The following GULP1 variants were observed in gnomAD, a reference collection of about 807,000 sequenced individuals.
GULP1 encodes the protein PTB domain-containing engulfment adapter protein 1.
A neutral mutation model predicts 40.9 loss-of-function variants in GULP1; 19 were observed. The ratio of observed to expected loss-of-function variants is 0.46; its 90% CI spans 0.32 to 0.68. The LOEUF (loss-of-function observed/expected upper bound fraction) is 0.68. Ranked by LOEUF, GULP1 falls within the 30% of genes least tolerant of loss-of-function variation. The pLI, the probability that GULP1 is intolerant of heterozygous loss-of-function variation, is 0.03. For missense variants in GULP1, 312 were observed against 362.2 expected (o/e 0.86, Z 1.12); for synonymous variants, 119 against 117.6 (o/e 1.01, Z -0.08).
intron 2 of GULP1, among the ~76,000 whole-genome samples, chr2:188,399,906 A>G (rs2051954147): frequency 6.6e-6 from 1 of 152,146 alleles, no homozygotes; most frequent in African/African-American, 2.4e-5. Context: ...CTTGACAATG[A>G]GCATAACATT....
At chr2:188,580,078 T>G (rs902381626) in intron 9 of GULP1, among the ~76,000 whole-genome samples, 1 of 151,614 alleles carries the variant, frequency 6.6e-6, no homozygotes, top group African/African-American at 2.4e-5. Context: ...TACACTAATG[T>G]GTTACATAGA....
At chr2:188,346,570 A>G (rs1381705848) in intron 1 of GULP1, among the ~76,000 whole-genome samples, 1 of 150,780 alleles carries the variant, frequency 6.6e-6, no homozygotes, top group Non-Finnish European at 1.5e-5. Context: ...TCGGGTCACT[A>G]CAAGCTCCGC....
chr2:188,483,532 T>C, intron 4 of GULP1, 40 bp downstream of exon 4: 3 of 835,352 alleles, frequency 3.6e-6, no homozygotes, highest in Non-Finnish European at 5.7e-6. Context: ...TATTTTGTTA[T>C]AGTATCATTA....
intron 2 of GULP1, among the ~76,000 whole-genome samples, chr2:188,412,521 C>T (rs1259978310): frequency 6.6e-6 from 1 of 152,004 alleles, no homozygotes; most frequent in African/African-American, 2.4e-5. Context: ...CTGGAACTCC[C>T]ACGGTTTCCC....
At chr2:188,516,571 C>G (rs1234468899) in intron 4 of GULP1, among the ~76,000 whole-genome samples, 1 of 152,094 alleles carries the variant, frequency 6.6e-6, no homozygotes, top group Non-Finnish European at 1.5e-5. Flanking sequence ...AGTTTTTCCT[C>G]TTCTCTATTT....
chr2:188,588,635 A>G (rs1702893403), intron 11 of GULP1: 1 of 152,124 alleles, frequency 6.6e-6, no homozygotes, highest in Admixed American at 6.6e-5. Context: ...ATTATATCCT[A>G]TTTTTCATCA....
chr2:188,581,082 G>A (rs1416801848), intron 9 of GULP1, among the ~76,000 whole-genome samples: 6 of 152,036 alleles, frequency 3.9e-5, no homozygotes, highest in African/African-American at 1.4e-4. Context: ...AGGTGCCCTG[G>A]CCAGCCATGC....
intron 2 of GULP1, among the ~76,000 whole-genome samples, chr2:188,418,080 T>C (rs1186446395): frequency 2.6e-5 from 4 of 152,086 alleles, no homozygotes; most frequent in Non-Finnish European, 5.9e-5. Flanking sequence ...TCCTATAGTT[T>C]TAAGACTATA....
At chr2:188,345,078 G>A (rs2043453364) in intron 1 of GULP1, among the ~76,000 whole-genome samples, 1 of 151,956 alleles carries the variant, frequency 6.6e-6, no homozygotes, top group Admixed American at 6.6e-5. Context: ...ATGTACTTCA[G>A]GCTCTGACAA....
At chr2:188,324,016 A>G (rs1373509126) in intron 1 of GULP1, among the ~76,000 whole-genome samples, 1 of 151,812 alleles carries the variant, frequency 6.6e-6, no homozygotes, top group African/African-American at 2.4e-5. Context: ...TGAATATACT[A>G]ATTTGCTTTT....
chr2:188,472,562 TA>T (rs753922985), intron 2 of GULP1, among the ~76,000 whole-genome samples: 8 of 152,210 alleles, frequency 5.3e-5, no homozygotes, highest in Non-Finnish European at 4.4e-5. Flanking sequence ...ATTCTGCTAT[TA>T]AAAGACTCTG....
chr2:188,582,985 G>A (rs1701629944), intron 9 of GULP1, among the ~76,000 whole-genome samples: 1 of 152,300 alleles, frequency 6.6e-6, no homozygotes, highest in African/African-American at 2.4e-5. Flanking sequence ...ATAGAGGCTG[G>A]AAGATTAAAG....
intron 2 of GULP1, among the ~76,000 whole-genome samples, chr2:188,402,592 T>A (rs1292147578): frequency 3.3e-5 from 5 of 152,046 alleles, no homozygotes; most frequent in Non-Finnish European, 7.4e-5. Flanking sequence ...AAAGCGAGTT[T>A]ACATTACTTA....
At chr2:188,434,833 T>C (rs982641281) in intron 2 of GULP1, among the ~76,000 whole-genome samples, 1 of 151,976 alleles carries the variant, frequency 6.6e-6, no homozygotes, top group African/African-American at 2.4e-5. Context: ...TTAATCTGAT[T>C]TGTTGACAAT....
At chr2:188,453,363 T>C (rs941880247) in intron 2 of GULP1, among the ~76,000 whole-genome samples, 1 of 152,108 alleles carries the variant, frequency 6.6e-6, no homozygotes, top group African/African-American at 2.4e-5. Context: ...TCCTAAAGTA[T>C]TTATTATTCT....
At chr2:188,487,542 T>C (rs969051884) in intron 4 of GULP1, among the ~76,000 whole-genome samples, 3 of 151,930 alleles carry the variant, frequency 2.0e-5, no homozygotes, top group East Asian at 3.9e-4. Context: ...ATATGAAACA[T>C]AGAAAGAATT....
At chr2:188,418,499 G>C (rs767797143) in intron 2 of GULP1, among the ~76,000 whole-genome samples, 19 of 152,068 alleles carry the variant, frequency 1.2e-4, no homozygotes, top group Non-Finnish European at 2.5e-4. Flanking sequence ...CGGGCATGGT[G>C]GTGGGCGCCT....
At chr2:188,325,204 T>C (rs533286215) in intron 1 of GULP1, among the ~76,000 whole-genome samples, 6 of 152,224 alleles carry the variant, frequency 3.9e-5, no homozygotes, top group African/African-American at 1.4e-4. Context: ...CCAAATCATG[T>C]TGATAGTCTA....
At chr2:188,443,947 A>G (rs1445197528) in intron 2 of GULP1, among the ~76,000 whole-genome samples, 1 of 152,090 alleles carries the variant, frequency 6.6e-6, no homozygotes, top group African/African-American at 2.4e-5. Flanking sequence ...GGGAAAGTCA[A>G]TTGCCTTTTT....
Sources: allele counts gnomAD v4.1 joint callset (sites outside exome capture counted in the v4.1 genomes callset), GRCh38; gene constraint gnomAD v4.1.1; transcripts MANE v1.5; gene names NCBI Gene and HGNC (gene_info 2026-07-23, HGNC 2026-07-21).